Variants in PUM3 observed in about 807,000 individuals in gnomAD.
The protein encoded by PUM3 is pumilio homolog 3.
Under a neutral mutation model 84.0 loss-of-function variants are expected in PUM3, and 91 were observed. The observed-to-expected ratio is 1.08, with a 90% CI of 0.91 to 1.29. The LOEUF (loss-of-function observed/expected upper bound fraction) is 1.29. Ranked by LOEUF, PUM3 falls within the 50% of genes most tolerant of loss-of-function variation. PUM3 has a pLI of 0.00. For missense variants in PUM3, 1,067 were observed against 767.5 expected (o/e 1.39, Z -4.61); for synonymous variants, 321 against 266.7 (o/e 1.20, Z -1.98).
intron 1 of PUM3, among the ~76,000 whole-genome samples, chr9:2,840,362 C>T (rs780709242): frequency 6.6e-5 from 10 of 152,098 alleles, no homozygotes; most frequent in Non-Finnish European, 1.5e-4. Context: ...TCCAGGCATA[C>T]GTTAAACTAC....
Position 2,824,751 on chromosome 9 carries a change from ACT to A in PUM3, c.1098_1099del (p.Arg366SerfsTer26). On this transcript the variant is annotated frameshift_variant, in exon 11 of 18. Transcript: ENST00000397885. LOFTEE classifies it high-confidence loss of function. ...GCCATGCCACAGGCAGTGCATGGCCACTCTGGCGCCATCGTGTGTGTGTGCCA... is the reference window on the plus strand; with the variant it reads ...GCCATGCCACAGGCAGTGCATGGCCACTGGCGCCATCGTGTGTGTGTGCCA... 1.3e-6 allele frequency: 2 copies of A among 1,583,872 alleles called. No individual in the cohort carries two copies. Among genetic ancestry groups the A allele is most frequent in the Non-Finnish European group, 1.7e-6 (2 of 1,160,732 alleles).
chr9:2,828,172 G>A (rs1815874761), intron 9 of PUM3, among the ~76,000 whole-genome samples: 1 of 152,064 alleles, frequency 6.6e-6, no homozygotes, highest in African/African-American at 2.4e-5. Flanking sequence ...CTCCCAAGTA[G>A]CCAAGACTAT....
chr9:2,826,048 C>T (rs1186104738), intron 10 of PUM3, among the ~76,000 whole-genome samples: 2 of 151,976 alleles, frequency 1.3e-5, no homozygotes, highest in Non-Finnish European at 2.9e-5. Context: ...CAGAGCTATC[C>T]AGATGGAAAG....
Position 2,811,476 on chromosome 9 carries a change from G to C in PUM3, c.1520C>G (p.Ala507Gly). ...HAQEVVLDKS[A>G]CVLVSDILGS... ...CAGAATGTCAGACACCAACACACAC[G>C]CAGACTTATCTAGCACCACTTCTTG... Residue 507 changes from alanine to glycine, a missense_variant, in exon 15 of 18, where the codon GCG becomes GGG. By Grantham distance (60) the Ala-to-Gly change is moderately conservative (BLOSUM62 0). Transcript: ENST00000397885. 1 of 1,614,120 alleles carries C rather than the reference G, an allele frequency of 6.2e-7. No homozygotes were observed. The highest frequency in any genetic ancestry group is 8.5e-7 in the Non-Finnish European group (1 of 1,179,992).
At chr9:2,829,130 G>A (rs902021509) in intron 8 of PUM3, among the ~76,000 whole-genome samples, 14 of 152,212 alleles carry the variant, frequency 9.2e-5, no homozygotes, top group Admixed American at 8.5e-4. Context: ...ATAACGAACT[G>A]TTAACAAAAT....
chr9:2,826,066 T>A (rs77593260), intron 10 of PUM3, among the ~76,000 whole-genome samples: 1 of 152,042 alleles, frequency 6.6e-6, no homozygotes, highest in African/African-American at 2.4e-5. Context: ...AAGCCATGCA[T>A]ATATTCCAAT....
chr9:2,824,214 A>G (rs1296523977), intron 11 of PUM3, among the ~76,000 whole-genome samples: 1 of 152,224 alleles, frequency 6.6e-6, no homozygotes, highest in Non-Finnish European at 1.5e-5. Context: ...CATTAAAAAA[A>G]GTAGATATAG....
intron 17 of PUM3, among the ~76,000 whole-genome samples, chr9:2,805,250 C>T (rs1821236379): frequency 6.6e-6 from 1 of 152,118 alleles, no homozygotes; most frequent in Non-Finnish European, 1.5e-5. Context: ...ACAAAATAAG[C>T]CCGGCCTCTG....
intron 9 of PUM3, 129 bp from the exon 10 acceptor site, chr9:2,827,280 A>G (rs755164884): frequency 1.6e-6 from 1 of 611,636 alleles, no homozygotes. Context: ...AATTTGTCAT[A>G]AAATAGACTG....
intron 5 of PUM3, among the ~76,000 whole-genome samples, chr9:2,832,004 C>T (rs1478661936): frequency 1.3e-5 from 2 of 152,150 alleles, no homozygotes; most frequent in African/African-American, 4.8e-5. Context: ...TTCTAGAGCG[C>T]CCTCCACGAA....
chr9:2,833,987 A>G lies in PUM3; in HGVS notation c.440+44T>C, dbSNP rs112884172. ...ATTTACAAGGTACACTGACTTCTCCACTGTTGCAAAGGGACTAACAAAGGC... is the reference window on the plus strand; with the variant it reads ...ATTTACAAGGTACACTGACTTCTCCGCTGTTGCAAAGGGACTAACAAAGGC... On this transcript the variant is annotated intron_variant, in intron 4 of 17. Transcript: ENST00000397885. 22 of 1,593,882 alleles carry G rather than the reference A, an allele frequency of 1.4e-5. 1 individual carries two copies. The African/African-American group carries it at 1.5e-4, about 11-fold the overall frequency.
At chr9:2,810,143 TAAA>T (rs1437961756) in intron 16 of PUM3, among the ~76,000 whole-genome samples, 198 bp downstream of exon 16, 1 of 151,722 alleles carries the variant, frequency 6.6e-6, no homozygotes, top group African/African-American at 2.4e-5. Context: ...AAAAGAAAAT[TAAA>T]AGAGTTCTCA....
chr9:2,810,527 T>G, intron 15 of PUM3, 96 bp from the exon 16 acceptor site: 1 of 812,878 alleles, frequency 1.2e-6, no homozygotes, highest in Non-Finnish European at 2.0e-6. Context: ...CACATACAGA[T>G]AAGGACTCAG....
Position 2,820,043 on chromosome 9 carries a change from T to A in PUM3, c.1244A>T (p.Lys415Met). The A allele has an allele frequency of 6.2e-7, 1 of 1,611,762 alleles. No homozygotes were observed. Among genetic ancestry groups the A allele is most frequent in the South Asian group, 1.1e-5 (1 of 90,972 alleles). Residue 415 changes from lysine to methionine, a missense_variant, in exon 13 of 18, where the codon AAG (lysine) becomes ATG (methionine). Coordinates refer to ENST00000397885, the MANE Select transcript of PUM3 (RefSeq NM_014878.5). The part of the protein sequence containing the change: ...LAAFDCIDDT[K>M]LVKQIIISEI... ...TGATATGATTATCTGCTTCACAAGC[T>A]TAGTATCATCAATACAATCAAATGC...
Position 2,807,805 on chromosome 9 carries a change from T to C in PUM3, c.1814+9A>G, listed in dbSNP as rs773304708. The C allele has an allele frequency of 3.1e-5, 49 of 1,584,384 alleles. 1 individual carries two copies. Among genetic ancestry groups the C allele is most frequent in the Non-Finnish European group, 3.8e-5 (44 of 1,153,656 alleles). On this transcript the variant is annotated intron_variant, in intron 17 of 17. Coordinates refer to ENST00000397885, the MANE Select transcript of PUM3 (RefSeq NM_014878.5). Reference sequence around the variant, plus strand: ...GCCCTGCTCAGAGAAGGGCACATGTTATACATACCTAGAAAGAATAATGGC... The same window carrying C: ...GCCCTGCTCAGAGAAGGGCACATGTCATACATACCTAGAAAGAATAATGGC...
chr9:2,814,711 AAAAAAC>A (rs954468406), intron 13 of PUM3, among the ~76,000 whole-genome samples: 31 of 152,286 alleles, frequency 2.0e-4, no homozygotes, highest in South Asian at 8.3e-4. Context: ...TCTACAGTTT[AAAAAAC>A]AAAAACAAAA....
intron 3 of PUM3, among the ~76,000 whole-genome samples, chr9:2,834,611 A>G (rs1427592498): frequency 6.6e-6 from 1 of 152,192 alleles, no homozygotes; most frequent in Non-Finnish European, 1.5e-5. Flanking sequence ...TAAGTCACTT[A>G]TTTCTTACAA....
In PUM3 at chr9:2,811,544, T is replaced by G; in HGVS notation, c.1452A>C (p.Glu484Asp). ...AGCTTAACAAAGCTGGAGAAATGGA[T>G]TCTAGGAGCTCCCGTCTGCGGACCT... ...DTEVRRRELLESISPALLSYL... is the reference protein window; with the variant it reads ...DTEVRRRELLDSISPALLSYL... Residue 484 changes from glutamate to aspartate, a missense_variant, in exon 15 of 18, where the codon GAA becomes GAC. Transcript: ENST00000397885. 1 of 1,614,110 alleles carries G rather than the reference T, an allele frequency of 6.2e-7. No individual in the cohort carries two copies. Among genetic ancestry groups the G allele is most frequent in the African/African-American group, 1.3e-5 (1 of 75,052 alleles).
chr9:2,840,965 T>G (rs1009885984), intron 1 of PUM3, among the ~76,000 whole-genome samples: 3 of 152,242 alleles, frequency 2.0e-5, no homozygotes, highest in Admixed American at 6.5e-5. Flanking sequence ...AACACATATA[T>G]GTATATTAAC....
Sources: allele counts gnomAD v4.1 joint callset (sites outside exome capture counted in the v4.1 genomes callset), GRCh38; gene constraint gnomAD v4.1.1; transcripts MANE v1.5; gene names NCBI Gene and HGNC (gene_info 2026-07-23, HGNC 2026-07-21).